The following SAMD4A variants were observed in gnomAD, a reference collection of about 807,000 sequenced individuals.
SAMD4A encodes sterile alpha motif domain containing 4A, also known as protein Smaug homolog 1.
In SAMD4A, 33 loss-of-function variants were observed where a neutral mutation model predicts 81.3. The observed-to-expected ratio is 0.41, with a 90% CI of 0.31 to 0.54. The LOEUF (loss-of-function observed/expected upper bound fraction) is 0.54. Among genes scored for constraint, SAMD4A ranks in the 20% least tolerant of loss-of-function variants. SAMD4A has a pLI of 0.37. For synonymous variants in SAMD4A, 389 were observed against 382.1 expected, an observed-to-expected ratio of 1.02 and a Z score of -0.21; for missense variants, 854 against 951.1, an observed-to-expected ratio of 0.90 and a Z score of 1.34.
chr14:54,776,617 G>A (rs2038857392), intron 11 of SAMD4A, 77 bp downstream of exon 11: 6 of 1,404,298 alleles, frequency 4.3e-6, no homozygotes, highest in Non-Finnish European at 2.8e-6. Flanking sequence ...CAGCCAGAAA[G>A]TGCTTAGCCT....
intron 2 of SAMD4A, among the ~76,000 whole-genome samples, chr14:54,578,209 C>T (rs1429790100): frequency 1.3e-5 from 2 of 152,186 alleles, no homozygotes; most frequent in Non-Finnish European, 2.9e-5. Flanking sequence ...CATGCCTCTC[C>T]ACTGTAGGAA....
upstream of SAMD4A, among the ~76,000 whole-genome samples, chr14:54,566,821 G>T (rs2032951830): frequency 6.6e-6 from 1 of 152,076 alleles, no homozygotes; most frequent in Non-Finnish European, 1.5e-5. Context: ...GAGACCTCCC[G>T]GGTGGGCTGG....
chr14:54,575,447 C>G (rs1043808002), intron 2 of SAMD4A, among the ~76,000 whole-genome samples: 2 of 152,194 alleles, frequency 1.3e-5, no homozygotes, highest in African/African-American at 4.8e-5. Flanking sequence ...TTCTGAGTCT[C>G]TCTACAGTTT....
chr14:54,770,900 A>ATGAT (rs1167198459), intron 9 of SAMD4A, among the ~76,000 whole-genome samples: 2 of 152,242 alleles, frequency 1.3e-5, no homozygotes, highest in African/African-American at 4.8e-5. Context: ...GCCTTAAACA[A>ATGAT]TGATAGGGAA....
At chr14:54,614,328 A>G (rs1224334094) in intron 2 of SAMD4A, among the ~76,000 whole-genome samples, 1 of 152,186 alleles carries the variant, frequency 6.6e-6, no homozygotes, top group Non-Finnish European at 1.5e-5. Context: ...GTTTTGTAAT[A>G]TGGTTCATCT....
chr14:54,679,414 A>G (rs919589782), intron 2 of SAMD4A, among the ~76,000 whole-genome samples: 5 of 152,242 alleles, frequency 3.3e-5, no homozygotes, highest in Non-Finnish European at 5.9e-5. Context: ...GTCTTTTCTA[A>G]AAATGCCAAA....
chr14:54,695,498 C>T (rs1566589760), intron 2 of SAMD4A, among the ~76,000 whole-genome samples: 5 of 152,184 alleles, frequency 3.3e-5, no homozygotes. Flanking sequence ...GTAGAAGCTG[C>T]AATGCTTTTT....
intron 3 of SAMD4A, among the ~76,000 whole-genome samples, chr14:54,717,180 C>T (rs1156892892): frequency 6.6e-6 from 1 of 152,120 alleles, no homozygotes. Flanking sequence ...ATGGCCCACA[C>T]CTGTCATCCC....
chr14:54,611,642 C>T (rs1240661131), intron 2 of SAMD4A, among the ~76,000 whole-genome samples: 4 of 151,876 alleles, frequency 2.6e-5, no homozygotes, highest in African/African-American at 9.7e-5. Context: ...TTTGGGAGGC[C>T]GAGGTGGGCA....
intron 11 of SAMD4A, among the ~76,000 whole-genome samples, chr14:54,778,705 G>A (rs1210233710): frequency 6.6e-6 from 1 of 152,132 alleles, no homozygotes; most frequent in Non-Finnish European, 1.5e-5. Context: ...AACAGCCAAA[G>A]CACAGGAAAA....
chr14:54,669,336 AG>A (rs2140503803), intron 2 of SAMD4A, among the ~76,000 whole-genome samples: 1 of 152,314 alleles, frequency 6.6e-6, no homozygotes, highest in Admixed American at 6.5e-5. Context: ...TGCTCAGGAA[AG>A]AAAAAAGTCA....
At chr14:54,744,508 T>C (rs541277272) in intron 4 of SAMD4A, among the ~76,000 whole-genome samples, 4 of 152,260 alleles carry the variant, frequency 2.6e-5, no homozygotes, top group South Asian at 2.1e-4. Flanking sequence ...ATAGAACATA[T>C]ACAAGATGAG....
rs1566547573 is a variant in SAMD4A, at chr14:54,613,153, GA to G, written c.196+45043del. On this transcript the variant is annotated intron_variant, in intron 2 of 12. Transcript: ENST00000554335. ...GAGAGAGAGAAAGGAAGGAAGGAAG[GA>G]AGGAAGAGGGAAAGGGAAAAGGAAG... Among the ~76,000 whole-genome samples the G allele has an allele frequency of 5.3e-5, 8 of 150,636 alleles. No individual in the cohort carries two copies. The East Asian group carries it at 1.6e-3, about 29-fold the overall frequency.
intron 2 of SAMD4A, among the ~76,000 whole-genome samples, chr14:54,639,462 G>C (rs1310444967): frequency 5.9e-5 from 9 of 152,178 alleles, no homozygotes; most frequent in Non-Finnish European, 1.2e-4. Context: ...GGGTTGGCGT[G>C]AGGGGGGCAA....
At chr14:54,596,893 G>A (rs995326044) in intron 2 of SAMD4A, among the ~76,000 whole-genome samples, 1 of 152,166 alleles carries the variant, frequency 6.6e-6, no homozygotes, top group South Asian at 2.1e-4. Context: ...GGAGAGAAAA[G>A]CTTCAGGTTC....
At chr14:54,785,396 G>C (rs1358541955) in intron 12 of SAMD4A, among the ~76,000 whole-genome samples, 1 of 152,240 alleles carries the variant, frequency 6.6e-6, no homozygotes, top group Non-Finnish European at 1.5e-5. Flanking sequence ...CTCTGGGCCT[G>C]GATATTTATG....
chr14:54,652,755 C>G (rs1204208085), intron 2 of SAMD4A: 4 of 151,906 alleles, frequency 2.6e-5, no homozygotes, highest in African/African-American at 4.8e-5. Flanking sequence ...CTATATTGTT[C>G]CCTTTAAGAG....
chr14:54,696,449 G>C lies in SAMD4A; in HGVS notation c.197-5613G>C, dbSNP rs189258649. Among the ~76,000 whole-genome samples, 51 of 152,284 alleles carry C rather than the reference G, an allele frequency of 3.3e-4. 1 individual carries two copies. The highest frequency in any genetic ancestry group is 9.8e-4 in the Admixed American group (15 of 15,312). On this transcript the variant is annotated intron_variant, in intron 2 of 12. Coordinates refer to ENST00000554335, the MANE Select transcript of SAMD4A (RefSeq NM_015589.6). ...GCCTTTTAGCACATTTATTTCACCA[G>C]TACTTCTTCTGTGTGTGCATTTAAT... is the stretch of plus-strand genomic sequence containing the variant.
At chr14:54,771,767 A>T (rs2139917585) in intron 9 of SAMD4A, among the ~76,000 whole-genome samples, 1 of 152,290 alleles carries the variant, frequency 6.6e-6, no homozygotes, top group Admixed American at 6.5e-5. Flanking sequence ...GGAAGAAGGC[A>T]TTCGGAGGTT....
Sources: allele counts gnomAD v4.1 joint callset (sites outside exome capture counted in the v4.1 genomes callset), GRCh38; gene constraint gnomAD v4.1.1; transcripts MANE v1.5; gene names NCBI Gene and HGNC (gene_info 2026-07-23, HGNC 2026-07-21).